CERS6: variants seen among roughly 807,000 people sequenced by gnomAD.
CERS6 encodes ceramide synthase 6.
A neutral mutation model predicts 56.8 loss-of-function variants in CERS6; 26 were observed. That is an observed-to-expected ratio of 0.46 (90% CI 0.34 to 0.63). CERS6 has a LOEUF of 0.63. Among genes scored for constraint, CERS6 ranks in the 30% least tolerant of loss-of-function variants. The pLI, the probability that CERS6 is intolerant of heterozygous loss-of-function variation, is 0.01. For missense variants in CERS6, 415 were observed against 467.5 expected (o/e 0.89, Z 1.04); for synonymous variants, 164 against 173.3 (o/e 0.95, Z 0.42).
At chr2:168,463,507 A>G (rs1693813491) in intron 1 of CERS6, among the ~76,000 whole-genome samples, 1 of 152,200 alleles carries the variant, frequency 6.6e-6, no homozygotes, top group Non-Finnish European at 1.5e-5. Flanking sequence ...TGAGCCCAAA[A>G]GGATAAATGT....
intron 3 of CERS6, among the ~76,000 whole-genome samples, chr2:168,568,783 T>C (rs750815084): frequency 6.6e-6 from 1 of 152,242 alleles, no homozygotes; most frequent in Non-Finnish European, 1.5e-5. Flanking sequence ...TGCTGTCATA[T>C]GACATATGCT....
At chr2:168,658,473 A>G (rs1051759062) in intron 4 of CERS6, among the ~76,000 whole-genome samples, 2 of 152,164 alleles carry the variant, frequency 1.3e-5, no homozygotes, top group Admixed American at 6.5e-5. Flanking sequence ...GCTCTGTGCC[A>G]GGCTCCTGAC....
At chr2:168,493,207 T>A (rs532270224) in intron 1 of CERS6, among the ~76,000 whole-genome samples, 331 of 152,150 alleles carry the variant, frequency 2.2e-3, no homozygotes, top group Middle Eastern at 0.017. Context: ...TGAAAAAAAA[T>A]TTTTTTTCTT....
intron 2 of CERS6, 114 bp from the exon 3 acceptor site, chr2:168,561,078 C>A: frequency 9.4e-7 from 1 of 1,060,858 alleles, no homozygotes; most frequent in Non-Finnish European, 1.4e-6. Flanking sequence ...ATCTCAGTAG[C>A]AGATAGTAAA....
At chr2:168,617,132 C>G (rs1269111742) in intron 3 of CERS6, among the ~76,000 whole-genome samples, 1 of 152,158 alleles carries the variant, frequency 6.6e-6, no homozygotes, top group Non-Finnish European at 1.5e-5. Flanking sequence ...CCTGAATGAT[C>G]ATTGGGTCAG....
chr2:168,513,446 T>G (rs1166064514), intron 1 of CERS6, among the ~76,000 whole-genome samples: 1 of 152,212 alleles, frequency 6.6e-6, no homozygotes, highest in Non-Finnish European at 1.5e-5. Context: ...TGTCTCAAAC[T>G]TTTCTTGTTT....
intron 3 of CERS6, among the ~76,000 whole-genome samples, chr2:168,586,525 C>T (rs976807726): frequency 5.3e-5 from 8 of 152,064 alleles, no homozygotes; most frequent in South Asian, 2.1e-4. Flanking sequence ...GAAGGCTGTC[C>T]GATCTTCAAA....
chr2:168,457,872 A>G (rs1693702368), intron 1 of CERS6, among the ~76,000 whole-genome samples: 1 of 152,108 alleles, frequency 6.6e-6, no homozygotes, highest in African/African-American at 2.4e-5. Flanking sequence ...TATATTTTTC[A>G]CCGGACAGTA....
intron 6 of CERS6, among the ~76,000 whole-genome samples, chr2:168,697,309 C>T (rs1684741584): frequency 6.6e-6 from 1 of 152,188 alleles, no homozygotes; most frequent in Non-Finnish European, 1.5e-5. Flanking sequence ...TTGCACCCAA[C>T]ACTCCGAGTT....
intron 7 of CERS6, among the ~76,000 whole-genome samples, chr2:168,716,562 G>A (rs1263665113): frequency 6.6e-6 from 1 of 151,388 alleles, no homozygotes; most frequent in Non-Finnish European, 1.5e-5. Context: ...TAAATAACAC[G>A]TAGAGTATTC....
chr2:168,464,174 TTG>T (rs35372610), intron 1 of CERS6, among the ~76,000 whole-genome samples: 17,842 of 139,608 alleles, frequency 0.13, 1,218 homozygotes, highest in Non-Finnish European at 0.16. Flanking sequence ...TTTATACTTT[TTG>T]TGTGTGTGTG....
At chr2:168,710,926 A>G (rs1164117655) in intron 6 of CERS6, among the ~76,000 whole-genome samples, 2 of 152,238 alleles carry the variant, frequency 1.3e-5, no homozygotes, top group Non-Finnish European at 1.5e-5. Flanking sequence ...CTCAATGCTC[A>G]GTTCTGCCAT....
intron 3 of CERS6, among the ~76,000 whole-genome samples, chr2:168,596,099 A>C (rs1425464661): frequency 6.9e-6 from 1 of 144,896 alleles, no homozygotes; most frequent in East Asian, 2.0e-4. Flanking sequence ...AAAAAAAAGG[A>C]TAAAAATAAA....
At position 168,769,367 on chromosome 2, in the gene CERS6, T is replaced by C. The variant is rs1218588218; in HGVS notation, c.1003-143T>C. The stretch of plus-strand genomic sequence containing the variant: ...TATCTCTCCAATGAAGGGGAACTTA[T>C]TGCTCTGGCAATGTTCTCATCCTCT... On this transcript the variant is annotated intron_variant, in intron 9 of 9. Transcript: ENST00000305747. 12 of 694,726 alleles carry C rather than the reference T, an allele frequency of 1.7e-5. No homozygotes were observed. The East Asian group carries it at 1.8e-4, about 10-fold the overall frequency. 43.0% of individuals were successfully genotyped at this position (694,726 alleles called of 1,614,324 possible).
At chr2:168,640,240 G>A (rs548683810) in intron 4 of CERS6, among the ~76,000 whole-genome samples, 40 of 152,320 alleles carry the variant, frequency 2.6e-4, no homozygotes, top group African/African-American at 9.4e-4. Flanking sequence ...TTAGGACCGT[G>A]TACTTTACCT....
intron 1 of CERS6, among the ~76,000 whole-genome samples, chr2:168,463,263 A>G (rs191603261): frequency 6.6e-6 from 1 of 152,312 alleles, no homozygotes; most frequent in Admixed American, 6.5e-5. Flanking sequence ...CTGTATATAT[A>G]TGGTTTTATA....
At chr2:168,579,105 T>C (rs1456518654) in intron 3 of CERS6, among the ~76,000 whole-genome samples, 2 of 152,206 alleles carry the variant, frequency 1.3e-5, no homozygotes, top group Admixed American at 1.3e-4. Context: ...GTATAATGAA[T>C]TCCCATGTAT....
At chr2:168,665,952 C>CTGTGTGTGTGTG (rs58913968) in intron 4 of CERS6, among the ~76,000 whole-genome samples, 3,055 of 143,224 alleles carry the variant, frequency 0.021, 100 homozygotes, top group African/African-American at 0.066. Context: ...AATTAGTAGA[C>CTGTGTGTGTGTG]TGTGTGTGTG....
At chr2:168,635,684 G>C (rs567213448) in intron 4 of CERS6, among the ~76,000 whole-genome samples, 1 of 152,208 alleles carries the variant, frequency 6.6e-6, no homozygotes, top group East Asian at 1.9e-4. Context: ...AAAACATGAA[G>C]GTTGCCCCAT....
Sources: gnomAD v4.1 joint callset for allele counts (sites outside exome capture counted in the v4.1 genomes callset) on GRCh38, gnomAD v4.1.1 for gene constraint, MANE v1.5 for transcripts, NCBI Gene and HGNC (gene_info 2026-07-23, HGNC 2026-07-21) for gene names.